Variants in USH2A observed in about 807,000 individuals in gnomAD.
The protein encoded by USH2A is usherin, also known as Usher syndrome 2A (autosomal recessive, mild).
Under a neutral mutation model 538.9 loss-of-function variants are expected in USH2A, and 443 were observed. That is an observed-to-expected ratio of 0.82 (90% confidence interval 0.76 to 0.89). USH2A has a LOEUF of 0.89. USH2A is among the 40% of genes least tolerant of loss of function. USH2A has a pLI of 0.00. For synonymous variants in USH2A, 2,413 were observed against 2,273.5 expected, an observed-to-expected ratio of 1.06 and a Z score of -1.75; for missense variants, 6,633 against 6,324.8, an observed-to-expected ratio of 1.05 and a Z score of -1.65.
At chr1:215,935,995 T>C (rs1159193814) in intron 37 of USH2A, among the ~76,000 whole-genome samples, 1 of 152,016 alleles carries the variant, frequency 6.6e-6, no homozygotes, top group Non-Finnish European at 1.5e-5. Context: ...CAGTGAACTA[T>C]AATTGTGTCA....
intron 11 of USH2A, 126 bp from the exon 12 acceptor site, chr1:216,251,224 G>T: frequency 1.0e-6 from 1 of 953,584 alleles, no homozygotes. Context: ...AAGGTAATAA[G>T]ATATTTTTCC....
chr1:215,776,958 TTATTTC>T (rs1661484739), intron 55 of USH2A, among the ~76,000 whole-genome samples: 1 of 152,182 alleles, frequency 6.6e-6, no homozygotes, highest in Non-Finnish European at 1.5e-5. Context: ...GAATGAGGAC[TTATTTC>T]TTTATTCTAC....
chr1:216,357,822 C>T (rs1027130519), intron 4 of USH2A, among the ~76,000 whole-genome samples: 17 of 152,088 alleles, frequency 1.1e-4, no homozygotes, highest in South Asian at 2.1e-4. Context: ...TTTATTACCA[C>T]GATGACATTG....
chr1:215,841,824 A>T (rs1663685403), intron 46 of USH2A, among the ~76,000 whole-genome samples: 1 of 152,150 alleles, frequency 6.6e-6, no homozygotes. Context: ...TCTAGAATCT[A>T]TAAGAAACTT....
intron 21 of USH2A, among the ~76,000 whole-genome samples, chr1:216,148,822 G>T (rs567999037): frequency 3.5e-4 from 52 of 150,428 alleles, no homozygotes; most frequent in Middle Eastern, 3.4e-3. Context: ...CTATTCCTTT[G>T]CACCCTTAAT....
chr1:215,970,821 G>A (rs1279832392), intron 35 of USH2A, 45 bp from the exon 36 acceptor site: 1 of 1,589,660 alleles, frequency 6.3e-7, no homozygotes, highest in Non-Finnish European at 8.6e-7. Flanking sequence ...CTAGACAATA[G>A]CAAAGAAGGT....
chr1:215,654,202 G>T (rs992668353), intron 64 of USH2A, among the ~76,000 whole-genome samples: 1 of 152,008 alleles, frequency 6.6e-6, no homozygotes, highest in African/African-American at 2.4e-5. Context: ...TTAAGTTCTA[G>T]TGTACACGTG....
At chr1:216,241,197 G>A (rs2035929910) in intron 13 of USH2A, among the ~76,000 whole-genome samples, 1 of 152,082 alleles carries the variant, frequency 6.6e-6, no homozygotes, top group South Asian at 2.1e-4. Flanking sequence ...TTCTATAGGA[G>A]GAAGACAATA....
At chr1:215,772,940 C>T (rs547728774) in intron 55 of USH2A, among the ~76,000 whole-genome samples, 13 of 152,264 alleles carry the variant, frequency 8.5e-5, no homozygotes, top group South Asian at 2.1e-4. Flanking sequence ...AACCATCCTG[C>T]GGGTAAGTCA....
chr1:215,921,195 T>C (rs1666090621), intron 38 of USH2A, among the ~76,000 whole-genome samples: 1 of 152,080 alleles, frequency 6.6e-6, no homozygotes, highest in Admixed American at 6.6e-5. Context: ...TATAATAATT[T>C]ATAATAGAAG....
intron 67 of USH2A, among the ~76,000 whole-genome samples, chr1:215,643,908 C>T (rs112905380): frequency 3.0e-4 from 46 of 152,186 alleles, no homozygotes; most frequent in African/African-American, 1.1e-3. Context: ...AGCTAAGCTT[C>T]ATGACTCAAA....
intron 20 of USH2A, among the ~76,000 whole-genome samples, chr1:216,188,526 G>C (rs1025502250): frequency 1.3e-5 from 2 of 151,878 alleles, no homozygotes; most frequent in Non-Finnish European, 2.9e-5. Context: ...AATGTTATTG[G>C]AAGGATGATA....
intron 61 of USH2A, among the ~76,000 whole-genome samples, chr1:215,717,056 G>A (rs573986536): frequency 1.1e-4 from 17 of 152,214 alleles, no homozygotes; most frequent in South Asian, 4.1e-4. Context: ...TCTACCCTAC[G>A]GTAATTTCTG....
intron 71 of USH2A, among the ~76,000 whole-genome samples, chr1:215,627,741 G>T (rs527672363): frequency 6.6e-6 from 1 of 152,172 alleles, no homozygotes; most frequent in South Asian, 2.1e-4. Context: ...GGTCAGGCTG[G>T]TCTCTATCTA....
intron 58 of USH2A, among the ~76,000 whole-genome samples, chr1:215,752,724 T>C (rs1452469559): frequency 1.3e-5 from 2 of 152,184 alleles, no homozygotes; most frequent in African/African-American, 2.4e-5. Context: ...AAAATATTAT[T>C]CTCCCATTGC....
chr1:216,331,140 T>C (rs933304216), intron 4 of USH2A, among the ~76,000 whole-genome samples: 1 of 152,084 alleles, frequency 6.6e-6, no homozygotes, highest in African/African-American at 2.4e-5. Context: ...TTAATGTGAA[T>C]CATCCATCCC....
intron 21 of USH2A, among the ~76,000 whole-genome samples, chr1:216,144,296 AT>A (rs2033652567): frequency 6.6e-6 from 1 of 152,148 alleles, no homozygotes; most frequent in Non-Finnish European, 1.5e-5. Context: ...TTCTCTTAGA[AT>A]TTTAACTATC....
At chr1:215,871,820 A>T (rs1934425) in intron 43 of USH2A, among the ~76,000 whole-genome samples, 2 of 152,008 alleles carry the variant, frequency 1.3e-5, no homozygotes, top group African/African-American at 4.8e-5. Context: ...GGAGGAGGTA[A>T]CATTTGGGGC....
At chr1:216,302,608 C>T (rs2037235959) in intron 9 of USH2A, among the ~76,000 whole-genome samples, 5 of 152,088 alleles carry the variant, frequency 3.3e-5, no homozygotes, top group African/African-American at 9.7e-5. Context: ...ACTACTAATA[C>T]TGTTGGACAA....
Sources: gnomAD v4.1 joint callset for allele counts (sites outside exome capture counted in the v4.1 genomes callset) on GRCh38, gnomAD v4.1.1 for gene constraint, MANE v1.5 for transcripts, NCBI Gene and HGNC (gene_info 2026-07-23, HGNC 2026-07-21) for gene names.